FKBP6: variants seen among roughly 807,000 people sequenced by gnomAD.
The protein encoded by FKBP6 is FKBP prolyl isomerase family member 6 (inactive).
In FKBP6, 29 loss-of-function variants were observed where a neutral mutation model predicts 41.7. The observed-to-expected ratio is 0.70, with a 90% confidence interval of 0.52 to 0.95. The LOEUF (loss-of-function observed/expected upper bound fraction) is 0.95, where lower values mean the gene tolerates loss of function less well. FKBP6 is among the 40% of genes least tolerant of loss of function. The probability of loss-of-function intolerance (pLI) is 0.00; values close to 1 mark genes in which losing one functional copy is unlikely to be tolerated. For synonymous variants in FKBP6, 130 were observed against 165.1 expected, an observed-to-expected ratio of 0.79 and a Z score of 1.63; for missense variants, 338 against 408.7, an observed-to-expected ratio of 0.83 and a Z score of 1.49.
intron 8 of FKBP6, among the ~76,000 whole-genome samples, chr7:73,350,120 C>T (rs1247556184): frequency 2.0e-5 from 3 of 152,148 alleles, no homozygotes; most frequent in African/African-American, 7.2e-5. Context: ...GGCCACAGAC[C>T]CCTTAATAGC....
chr7:73,348,024 G>A (rs1805381610), intron 8 of FKBP6, among the ~76,000 whole-genome samples: 1 of 152,040 alleles, frequency 6.6e-6, no homozygotes, highest in African/African-American at 2.4e-5. Flanking sequence ...CTTTAGATAG[G>A]TCCCTTACTT....
chr7:73,341,627 GCAAA>G (rs1805192681), intron 7 of FKBP6, among the ~76,000 whole-genome samples: 1 of 104,910 alleles, frequency 9.5e-6, no homozygotes, highest in Admixed American at 9.0e-5. Flanking sequence ...TTCCCCTACC[GCAAA>G]TAAACAACCC....
chr7:73,356,360 C>G (rs1481499804), intron 8 of FKBP6, among the ~76,000 whole-genome samples: 1 of 152,198 alleles, frequency 6.6e-6, no homozygotes, highest in African/African-American at 2.4e-5. Context: ...CAGTCAAAGT[C>G]CTATCACTGG....
At chr7:73,335,711 C>T (rs1804986437) in intron 5 of FKBP6, among the ~76,000 whole-genome samples, 1 of 152,156 alleles carries the variant, frequency 6.6e-6, no homozygotes, top group South Asian at 2.1e-4. Flanking sequence ...TCTCTCCAGG[C>T]TCTGAGGGGC....
chr7:73,334,108 T>TAAC (rs1292307696), intron 5 of FKBP6, among the ~76,000 whole-genome samples: 3 of 152,146 alleles, frequency 2.0e-5, no homozygotes, highest in Non-Finnish European at 1.5e-5. Context: ...AGCTCAAAGC[T>TAAC]AACAACAACA....
intron 8 of FKBP6, among the ~76,000 whole-genome samples, chr7:73,347,192 A>G (rs1256399183): frequency 2.0e-5 from 3 of 152,232 alleles, no homozygotes; most frequent in Admixed American, 1.3e-4. Flanking sequence ...TTCTTAGTGT[A>G]TTTTTATTAA....
intron 8 of FKBP6, among the ~76,000 whole-genome samples, chr7:73,349,116 T>A (rs1554550719): frequency 1.3e-5 from 2 of 148,420 alleles, no homozygotes; most frequent in Non-Finnish European, 3.0e-5. Flanking sequence ...AAAAAAAAAA[T>A]TTAAAAAGGG....
At chr7:73,337,302 C>A (rs1805034277) in intron 5 of FKBP6, among the ~76,000 whole-genome samples, 1 of 150,402 alleles carries the variant, frequency 6.6e-6, no homozygotes, top group Non-Finnish European at 1.5e-5. Flanking sequence ...TCCAGTTCTT[C>A]CATGTTCTTT....
chr7:73,357,503 G>A (rs902455123), intron 8 of FKBP6, among the ~76,000 whole-genome samples: 2 of 151,400 alleles, frequency 1.3e-5, no homozygotes, highest in Admixed American at 6.6e-5. Context: ...CAAGTGATCC[G>A]CCCGCCTCAG....
rs1583791335 is a variant in FKBP6 at position 73,328,385 on chromosome 7, C to T, written c.-44C>T. 8 of 1,569,124 alleles carry T rather than the reference C, an allele frequency of 5.1e-6. No homozygotes were observed. The highest frequency in any genetic ancestry group is 3.5e-6 in the Non-Finnish European group (4 of 1,158,006). On this transcript the variant is annotated 5_prime_UTR_variant, in exon 1 of 9. Coordinates refer to ENST00000252037, the MANE Select transcript of FKBP6 (RefSeq NM_003602.5). ...GTCACAGCCAGGGAGGGCAGCGGGG[C>T]GCACCAGGCCGAAGGCTCACGCCAC...
chr7:73,343,719 C>T lies in FKBP6; in HGVS notation c.*2+820C>T, dbSNP rs1805261317. ...AACCCTCCAGTCTGAACCCTCCAGTCTGGTCTACTATTTAATAAAATTAAT... is the reference window on the plus strand; with the variant it reads ...AACCCTCCAGTCTGAACCCTCCAGTTTGGTCTACTATTTAATAAAATTAAT... On this transcript the variant is annotated intron_variant, in intron 8 of 8. Transcript: ENST00000252037. 2.0e-5 allele frequency among the ~76,000 whole-genome samples: 3 copies of T among 152,148 alleles called. No homozygotes were observed. The South Asian group carries it at 6.2e-4, about 32-fold the overall frequency.
Position 73,341,393 on chromosome 7 carries a change from T to TTTGCAGGAGCATGAAGAGATGC in FKBP6, c.893+30_893+31insTGCTTGCAGGAGCATGAAGAGA, listed in dbSNP as rs1805182166. On this transcript the variant is annotated intron_variant, in intron 7 of 8. Coordinates refer to ENST00000252037, the MANE Select transcript of FKBP6 (RefSeq NM_003602.5). ...GAAGAAACTGGCTAGGTGAGCTGTG[T>TTTGCAGGAGCATGAAGAGATGC]TTGCAGGAGCATGAAGAGAGATGGG... 1 of 1,502,804 alleles carries TTTGCAGGAGCATGAAGAGATGC rather than the reference T, an allele frequency of 6.7e-7. No homozygotes were observed. Among genetic ancestry groups the TTTGCAGGAGCATGAAGAGATGC allele is most frequent in the East Asian group, 2.3e-5 (1 of 44,370 alleles). 93.1% of individuals were successfully genotyped at this position (1,502,804 alleles called of 1,614,324 possible). A position where few individuals can be genotyped will look rare whatever the true frequency, so the allele number is the denominator to read the frequency against.
intron 6 of FKBP6, 96 bp from the exon 7 acceptor site, chr7:73,341,177 G>A (rs113606984): frequency 1.2e-5 from 11 of 885,714 alleles, no homozygotes; most frequent in African/African-American, 8.2e-5. Context: ...GCCCGCCTTG[G>A]CCTCCCAAAG....
At chr7:73,342,750 G>A (rs1583813863) in intron 7 of FKBP6, 57 bp from the exon 8 acceptor site, 1 of 1,195,526 alleles carries the variant, frequency 8.4e-7, no homozygotes. Context: ...CCAGCCACCA[G>A]ATGTCACCTC....
intron 8 of FKBP6, among the ~76,000 whole-genome samples, chr7:73,349,792 C>T (rs1387509534): frequency 9.2e-5 from 14 of 151,694 alleles, no homozygotes; most frequent in Non-Finnish European, 2.1e-4. Context: ...AAGGGATGCG[C>T]CAGCACCCAC....
intron 5 of FKBP6, among the ~76,000 whole-genome samples, chr7:73,333,479 C>T (rs1804911278): frequency 6.6e-6 from 1 of 152,156 alleles, no homozygotes; most frequent in African/African-American, 2.4e-5. Context: ...TAACAAGGGT[C>T]TAGCCAAGGA....
chr7:73,349,298 A>G (rs951469000), intron 8 of FKBP6, among the ~76,000 whole-genome samples: 2 of 151,626 alleles, frequency 1.3e-5, no homozygotes, highest in Non-Finnish European at 2.9e-5. Flanking sequence ...AATCCCAGCT[A>G]CTTGGGAGGC....
chr7:73,333,437 TC>T (rs1804910195), intron 5 of FKBP6, among the ~76,000 whole-genome samples: 1 of 152,158 alleles, frequency 6.6e-6, no homozygotes, highest in African/African-American at 2.4e-5. Context: ...AACTACATCT[TC>T]CCAGCTTCCC....
intron 4 of FKBP6, 132 bp downstream of exon 4, chr7:73,330,484 G>C: frequency 1.4e-6 from 1 of 724,672 alleles, no homozygotes; most frequent in Non-Finnish European, 2.5e-6. Context: ...CCTGTGCGGT[G>C]GCGGCGGAGT....
Sources: allele counts gnomAD v4.1 joint callset (sites outside exome capture counted in the v4.1 genomes callset), GRCh38; gene constraint gnomAD v4.1.1; transcripts MANE v1.5; gene names NCBI Gene and HGNC (gene_info 2026-07-23, HGNC 2026-07-21).